ANKS1B: variants seen among roughly 807,000 people sequenced by gnomAD.
The protein encoded by ANKS1B is ankyrin repeat and sterile alpha motif domain containing 1B.
In ANKS1B, 36 loss-of-function variants were observed where a neutral mutation model predicts 148.3. The ratio of observed to expected loss-of-function variants is 0.24; its 90% CI spans 0.19 to 0.32. The LOEUF is 0.32. ANKS1B is among the 10% of genes least tolerant of loss of function. The probability of loss-of-function intolerance (pLI) is 1.00; values close to 1 mark genes in which losing one functional copy is unlikely to be tolerated. For missense variants in ANKS1B, 1,157 were observed against 1,542.6 expected, an observed-to-expected ratio of 0.75 and a Z score of 4.19; for synonymous variants, 542 against 560.8, an observed-to-expected ratio of 0.97 and a Z score of 0.47.
In ANKS1B at chr12:99,085,049, G is replaced by A. The variant is rs759575031; in HGVS notation, c.2527-26C>T. 12 of 1,543,612 alleles carry A rather than the reference G, an allele frequency of 7.8e-6. No individual in the cohort carries two copies. In the East Asian group the frequency reaches 2.3e-4, roughly 29 times the overall value. On this transcript the variant is annotated intron_variant, in intron 15 of 26. Coordinates refer to ENST00000683438, the MANE Select transcript of ANKS1B (RefSeq NM_001352186.2). ...CTGAAACAAAACAGAAATGTTACAA[G>A]TTAAATCAAGCATTTATACTGTGGA... is the stretch of plus-strand genomic sequence containing the variant.
chr12:99,589,838 C>CA (rs2097681635), intron 9 of ANKS1B, among the ~76,000 whole-genome samples: 1 of 151,972 alleles, frequency 6.6e-6, no homozygotes, highest in Non-Finnish European at 1.5e-5. Context: ...GCTCCTAACA[C>CA]AAAAAAATGA....
intron 12 of ANKS1B, among the ~76,000 whole-genome samples, chr12:99,315,443 C>G (rs2083893076): frequency 6.6e-6 from 1 of 152,022 alleles, no homozygotes; most frequent in Non-Finnish European, 1.5e-5. Flanking sequence ...ATTTATGCAG[C>G]CAACAAACAT....
chr12:99,983,200 T>C (rs2095731980), intron 1 of ANKS1B, among the ~76,000 whole-genome samples: 1 of 152,220 alleles, frequency 6.6e-6, no homozygotes, highest in Non-Finnish European at 1.5e-5. Context: ...ACTAAAGAGC[T>C]TCCCTTGAAT....
intron 12 of ANKS1B, among the ~76,000 whole-genome samples, chr12:99,259,700 T>A (rs185376293): frequency 1.6e-4 from 24 of 152,340 alleles, no homozygotes; most frequent in African/African-American, 5.5e-4. Context: ...CTGATCTGTC[T>A]TGGCATGCGC....
chr12:99,880,659 A>G (rs2092423296), intron 1 of ANKS1B, among the ~76,000 whole-genome samples: 1 of 152,228 alleles, frequency 6.6e-6, no homozygotes. Context: ...CATAAAACAT[A>G]AAAATATCAT....
At position 98,745,643 on chromosome 12, in the gene ANKS1B, TC is replaced by T; in HGVS notation, c.*95del. Reference sequence around the variant, plus strand: ...CAAGGCCGCACGCTCAGAGCAGTCTTCCTCCTGGGCTGGGTGGACGCGGAGG... The same window carrying T: ...CAAGGCCGCACGCTCAGAGCAGTCTTCTCCTGGGCTGGGTGGACGCGGAGG... On this transcript the variant is annotated 3_prime_UTR_variant, in exon 27 of 27. Coordinates refer to ENST00000683438, the MANE Select transcript of ANKS1B (RefSeq NM_001352186.2). The T allele has an allele frequency of 6.5e-7, 1 of 1,536,210 alleles. No individual in the cohort carries two copies. Among genetic ancestry groups the T allele is most frequent in the Non-Finnish European group, 8.8e-7 (1 of 1,140,514 alleles).
In ANKS1B at chr12:99,655,100, T is replaced by A. The variant is rs1193846135; in HGVS notation, c.1239A>T (p.Gly413=). ...GCATGGGGAAGCCAAGGTTCCTACA[T>A]CCATTACACGGAGTTAATGCTTCCC... ...GLWEALTPCN[G]CRNLGFPMLA... is the part of the protein sequence containing the mutation. The change falls in exon 9 of 27, where the codon GGA becomes GGT. Residue 413 remains glycine, a synonymous_variant. Transcript: ENST00000683438. 2 of 1,608,740 alleles carry A rather than the reference T, an allele frequency of 1.2e-6. No individual in the cohort carries two copies. The highest frequency in any genetic ancestry group is 1.7e-6 in the Non-Finnish European group (2 of 1,176,704).
At chr12:99,773,146 A>G in intron 7 of ANKS1B, 58 bp from the exon 8 acceptor site, 1 of 1,433,202 alleles carries the variant, frequency 7.0e-7, no homozygotes, top group Non-Finnish European at 9.5e-7. Flanking sequence ...ACTTAATGTT[A>G]AGCAATAAAA....
chr12:99,315,148 C>G (rs1158527251), intron 12 of ANKS1B, among the ~76,000 whole-genome samples: 1 of 150,758 alleles, frequency 6.6e-6, no homozygotes, highest in South Asian at 2.1e-4. Context: ...GAGGCTGAAA[C>G]AGAATTGCTT....
chr12:99,038,955 T>A (rs2099957209), intron 17 of ANKS1B, among the ~76,000 whole-genome samples: 1 of 152,242 alleles, frequency 6.6e-6, no homozygotes, highest in Non-Finnish European at 1.5e-5. Flanking sequence ...TATTACAGAC[T>A]TATCTGTTAC....
chr12:99,449,585 T>C (rs918266439), intron 10 of ANKS1B, among the ~76,000 whole-genome samples: 1 of 152,160 alleles, frequency 6.6e-6, no homozygotes, highest in African/African-American at 2.4e-5. Context: ...AAATAACTTG[T>C]ATGTTTTTAG....
intron 8 of ANKS1B, among the ~76,000 whole-genome samples, chr12:99,760,678 A>C (rs1567796430): frequency 6.6e-6 from 1 of 151,658 alleles, no homozygotes; most frequent in Non-Finnish European, 1.5e-5. Context: ...AAAGAAATAA[A>C]TAAAATAAAA....
chr12:99,257,117 G>A lies in ANKS1B; in HGVS notation c.1757-10253C>T, dbSNP rs570298774. On this transcript the variant is annotated intron_variant, in intron 12 of 26. Transcript: ENST00000683438. ...AAATTAGCCTGGCATTGTGGCGGGC[G>A]CCTGTAGTCCCAGCTACTCCGGAGG... Among the ~76,000 whole-genome samples the A allele has an allele frequency of 5.9e-5, 9 of 152,040 alleles. No individual in the cohort carries two copies. The East Asian group carries it at 1.4e-3, about 23-fold the overall frequency.
chr12:99,261,541 C>T (rs946371912), intron 12 of ANKS1B, among the ~76,000 whole-genome samples: 3 of 152,124 alleles, frequency 2.0e-5, no homozygotes, highest in Non-Finnish European at 4.4e-5. Context: ...TGACTTCTCC[C>T]CCACACTCCA....
intron 17 of ANKS1B, among the ~76,000 whole-genome samples, chr12:98,855,148 A>G (rs1015645606): frequency 6.0e-5 from 9 of 149,312 alleles, no homozygotes; most frequent in African/African-American, 2.3e-4. Flanking sequence ...CCTGGGCGAC[A>G]GAGCGAGACT....
intron 15 of ANKS1B, among the ~76,000 whole-genome samples, chr12:99,125,938 C>T (rs1030684890): frequency 5.9e-5 from 9 of 151,500 alleles, no homozygotes; most frequent in East Asian, 1.9e-4. Flanking sequence ...ATGTCACAAA[C>T]GCTCAAAAAA....
chr12:99,299,624 T>C (rs1227443756), intron 12 of ANKS1B, among the ~76,000 whole-genome samples: 1 of 152,216 alleles, frequency 6.6e-6, no homozygotes, highest in Non-Finnish European at 1.5e-5. Flanking sequence ...CTATAACACC[T>C]TAACTTTCAA....
chr12:99,126,507 C>G (rs138021476), intron 15 of ANKS1B, among the ~76,000 whole-genome samples: 172 of 152,234 alleles, frequency 1.1e-3, no homozygotes, highest in African/African-American at 3.9e-3. Context: ...CCCCCTCCCC[C>G]CACCTTACCC....
intron 17 of ANKS1B, among the ~76,000 whole-genome samples, chr12:98,879,836 A>G (rs1163101248): frequency 6.6e-6 from 1 of 152,228 alleles, no homozygotes; most frequent in Non-Finnish European, 1.5e-5. Flanking sequence ...ACACACACAC[A>G]TGCACACATA....
Sources: gnomAD v4.1 joint callset for allele counts (sites outside exome capture counted in the v4.1 genomes callset) on GRCh38, gnomAD v4.1.1 for gene constraint, MANE v1.5 for transcripts, NCBI Gene and HGNC (gene_info 2026-07-23, HGNC 2026-07-21) for gene names.